Variants in PPHLN1 observed in about 807,000 individuals in gnomAD.
The protein encoded by PPHLN1 is periphilin-1.
A neutral mutation model predicts 51.3 loss-of-function variants in PPHLN1; 29 were observed. The ratio of observed to expected loss-of-function variants is 0.57; its 90% CI spans 0.42 to 0.77. The LOEUF (loss-of-function observed/expected upper bound fraction) is 0.77. PPHLN1 is among the 30% of genes least tolerant of loss of function. The pLI is 0.00. For synonymous variants in PPHLN1, 147 were observed against 147.8 expected (o/e 0.99, Z 0.04); for missense variants, 436 against 438.4 (o/e 0.99, Z 0.05).
chr12:42,394,672 C>G (rs958980026), intron 8 of PPHLN1, among the ~76,000 whole-genome samples: 2 of 151,976 alleles, frequency 1.3e-5, no homozygotes, highest in African/African-American at 4.8e-5. Context: ...TCAAGGTTTC[C>G]TCCTTATTGT....
At chr12:42,364,853 G>A (rs1274168674) in intron 4 of PPHLN1, among the ~76,000 whole-genome samples, 1 of 152,146 alleles carries the variant, frequency 6.6e-6, no homozygotes, top group Non-Finnish European at 1.5e-5. Flanking sequence ...CCTGGGAGGC[G>A]GAGTTTGCAG....
At chr12:42,407,218 G>C (rs1486679487) in intron 9 of PPHLN1, among the ~76,000 whole-genome samples, 1 of 152,174 alleles carries the variant, frequency 6.6e-6, no homozygotes, top group Non-Finnish European at 1.5e-5. Context: ...CAAACTCTCA[G>C]AGACAATAAA....
intron 9 of PPHLN1, among the ~76,000 whole-genome samples, chr12:42,430,589 C>G (rs1283059541): frequency 6.6e-6 from 1 of 151,924 alleles, no homozygotes; most frequent in African/African-American, 2.4e-5. Flanking sequence ...CTCCGCCTTC[C>G]CGGTTCAAGC....
chr12:42,405,750 A>G (rs185399878), intron 9 of PPHLN1, among the ~76,000 whole-genome samples: 12 of 152,284 alleles, frequency 7.9e-5, no homozygotes, highest in Admixed American at 3.3e-4. Context: ...TAATCCCTCA[A>G]TTACTGGAAC....
chr12:42,347,925 T>C (rs540971279), intron 2 of PPHLN1, among the ~76,000 whole-genome samples: 4 of 152,306 alleles, frequency 2.6e-5, no homozygotes, highest in African/African-American at 9.6e-5. Flanking sequence ...CAGTCATCTT[T>C]GTTTCCTTAA....
intron 9 of PPHLN1, among the ~76,000 whole-genome samples, chr12:42,426,219 CACACACACA>C (rs1566010383): frequency 9.1e-4 from 126 of 138,986 alleles, no homozygotes; most frequent in South Asian, 7.9e-3. Flanking sequence ...CACACACACA[CACACACACA>C]CCCTCATGCA....
intron 2 of PPHLN1, chr12:42,347,148 A>G (rs1031736642): frequency 6.6e-6 from 1 of 152,232 alleles, no homozygotes; most frequent in African/African-American, 2.4e-5. Context: ...GCTATTGGCT[A>G]CTGTTCTCCC....
intron 2 of PPHLN1, among the ~76,000 whole-genome samples, chr12:42,337,997 C>T (rs1329588136): frequency 4.0e-5 from 6 of 151,558 alleles, no homozygotes; most frequent in African/African-American, 9.7e-5. Flanking sequence ...TTGGCCAGGC[C>T]GGTCTCGAAT....
intron 4 of PPHLN1, among the ~76,000 whole-genome samples, chr12:42,357,546 A>G (rs1472438820): frequency 4.6e-5 from 7 of 152,188 alleles, no homozygotes; most frequent in Admixed American, 4.6e-4. Context: ...TGCTGGGACA[A>G]ACATTTCAAA....
Position 42,351,927 on chromosome 12 carries a change from C to A in PPHLN1, c.115C>A (p.Pro39Thr). The change falls in exon 3 of 10, where the codon CCA becomes ACA. Residue 39 changes from proline to threonine, a missense_variant. Pro to Thr is a conservative substitution (Grantham distance 38). Coordinates refer to ENST00000358314, the MANE Select transcript of PPHLN1 (RefSeq NM_201439.2). ...AGTTAATATTGTGCCAAAGAAACCACCACTGCTAGACAGACCTGGTGAAGG... is the reference window on the plus strand; with the variant it reads ...AGTTAATATTGTGCCAAAGAAACCAACACTGCTAGACAGACCTGGTGAAGG... ...RLVNIVPKKP[P>T]LLDRPGEGSY... is the part of the protein sequence containing the mutation. 1 of 1,583,456 alleles carries A rather than the reference C, an allele frequency of 6.3e-7. No homozygotes were observed. Among genetic ancestry groups the A allele is most frequent in the Non-Finnish European group, 8.5e-7 (1 of 1,169,626 alleles).
intron 7 of PPHLN1, 92 bp from the exon 8 acceptor site, chr12:42,393,478 A>G (rs1202804959): frequency 3.2e-6 from 4 of 1,266,636 alleles, no homozygotes; most frequent in Non-Finnish European, 4.3e-6. Flanking sequence ...GGAGGCTTAT[A>G]TGATTTTAAA....
intron 2 of PPHLN1, among the ~76,000 whole-genome samples, chr12:42,336,400 C>G (rs2070675495): frequency 6.6e-6 from 1 of 152,150 alleles, no homozygotes; most frequent in South Asian, 2.1e-4. Context: ...GAGAGGAGAA[C>G]TCTTCCTAGA....
chr12:42,377,416 C>T (rs1302239763), intron 5 of PPHLN1, among the ~76,000 whole-genome samples: 1 of 150,332 alleles, frequency 6.7e-6, no homozygotes, highest in African/African-American at 2.4e-5. Context: ...AGCAATTTTC[C>T]TGCCTCAGTC....
At chr12:42,431,898 A>G (rs1211051171) in intron 9 of PPHLN1, 35 of 1,595,534 alleles carry the variant, frequency 2.2e-5, no homozygotes, top group Non-Finnish European at 2.8e-5. Flanking sequence ...TCAGAACAGC[A>G]TCTTCATCAG....
chr12:42,355,792 A>G (rs1031238577), intron 4 of PPHLN1: 8 of 151,846 alleles, frequency 5.3e-5, no homozygotes, highest in African/African-American at 1.2e-4. Flanking sequence ...TAGTTTTGCA[A>G]TCTAATTATT....
At chr12:42,445,911 G>A (rs1388001749), downstream of PPHLN1, 4 of 1,445,840 alleles carry the variant, frequency 2.8e-6, no homozygotes, top group African/African-American at 5.8e-5. Context: ...GTAATATATG[G>A]CATGGTCCAA....
intron 9 of PPHLN1, among the ~76,000 whole-genome samples, chr12:42,400,761 C>CTCTCTCTCTCTCTT (rs1269352254): frequency 3.4e-5 from 5 of 148,748 alleles, no homozygotes; most frequent in Non-Finnish European, 5.9e-5. Context: ...GACCCTGTCT[C>CTCTCTCTCTCTCTT]TCTCTCTCTC....
chr12:42,430,074 T>C (rs1266687925), intron 9 of PPHLN1, among the ~76,000 whole-genome samples: 2 of 152,160 alleles, frequency 1.3e-5, no homozygotes, highest in Non-Finnish European at 2.9e-5. Context: ...GTTTAGGGGC[T>C]GATTGCCCAG....
chr12:42,425,656 G>A (rs1031898312), intron 9 of PPHLN1, among the ~76,000 whole-genome samples: 2 of 152,088 alleles, frequency 1.3e-5, no homozygotes, highest in Non-Finnish European at 2.9e-5. Flanking sequence ...CAGAGTGTTG[G>A]GATTACAGGC....
Sources: allele counts gnomAD v4.1 joint callset (sites outside exome capture counted in the v4.1 genomes callset), GRCh38; gene constraint gnomAD v4.1.1; transcripts MANE v1.5; gene names NCBI Gene and HGNC (gene_info 2026-07-23, HGNC 2026-07-21).